Variants in PPM1E observed in about 807,000 individuals in gnomAD.
The protein encoded by PPM1E is protein phosphatase 1E.
A neutral mutation model predicts 65.9 loss-of-function variants in PPM1E; 20 were observed. The observed-to-expected ratio is 0.30, with a 90% confidence interval of 0.21 to 0.44. The LOEUF (loss-of-function observed/expected upper bound fraction) is 0.44, where lower values mean the gene tolerates loss of function less well. Among genes scored for constraint, PPM1E ranks in the 20% least tolerant of loss-of-function variants. The pLI, the probability that PPM1E is intolerant of heterozygous loss-of-function variation, is 1.00. For synonymous variants in PPM1E, 352 were observed against 374.9 expected, an observed-to-expected ratio of 0.94 and a Z score of 0.70; for missense variants, 713 against 953.1, an observed-to-expected ratio of 0.75 and a Z score of 3.32.
chr17:58,835,272 T>C (rs758491690), intron 1 of PPM1E, among the ~76,000 whole-genome samples: 1 of 151,926 alleles, frequency 6.6e-6, no homozygotes, highest in Non-Finnish European at 1.5e-5. Context: ...GTCTGGGAGG[T>C]CAAGGGTATA....
intron 1 of PPM1E, among the ~76,000 whole-genome samples, chr17:58,833,536 G>A (rs534990759): frequency 9.9e-5 from 15 of 151,802 alleles, no homozygotes; most frequent in African/African-American, 3.1e-4. Context: ...AGTTGCACCC[G>A]TGTTGCTGCA....
intron 1 of PPM1E, among the ~76,000 whole-genome samples, chr17:58,896,240 A>G (rs2051414906): frequency 6.6e-6 from 1 of 152,202 alleles, no homozygotes; most frequent in African/African-American, 2.4e-5. Context: ...CCTAATCCAG[A>G]GCAAGGCCCT....
intron 1 of PPM1E, among the ~76,000 whole-genome samples, chr17:58,829,077 T>C (rs997230278): frequency 2.6e-5 from 4 of 152,088 alleles, no homozygotes; most frequent in Admixed American, 6.6e-5. Context: ...AGTTTCACTC[T>C]AGTTGCCCCG....
intron 2 of PPM1E, among the ~76,000 whole-genome samples, chr17:58,956,531 TCTCA>T (rs1439452865): frequency 6.6e-6 from 1 of 152,152 alleles, no homozygotes; most frequent in African/African-American, 2.4e-5. Context: ...TAACACAACT[TCTCA>T]CTAATTATAT....
chr17:58,966,493 C>T (rs2030264858), intron 3 of PPM1E: 1 of 185,978 alleles, frequency 5.4e-6, no homozygotes, highest in Non-Finnish European at 1.1e-5. Context: ...TCTCACATTA[C>T]TATGTTGCTG....
At chr17:58,793,175 CCCTT>C (rs1180375730) in intron 1 of PPM1E, among the ~76,000 whole-genome samples, 1 of 151,812 alleles carries the variant, frequency 6.6e-6, no homozygotes, top group Non-Finnish European at 1.5e-5. Context: ...TTGTTATACT[CCCTT>C]CTTCATCTTT....
chr17:58,920,378 CAT>C (rs1567875157), intron 1 of PPM1E, among the ~76,000 whole-genome samples: 1 of 152,154 alleles, frequency 6.6e-6, no homozygotes, highest in Non-Finnish European at 1.5e-5. Flanking sequence ...CTCATAAGAT[CAT>C]CCTCTAGGCT....
intron 2 of PPM1E, among the ~76,000 whole-genome samples, chr17:58,957,198 G>C (rs780673207): frequency 6.6e-6 from 1 of 152,122 alleles, no homozygotes; most frequent in African/African-American, 2.4e-5. Context: ...CAGCTGTGAG[G>C]GGGTGGACTG....
Position 58,965,073 on chromosome 17 carries a change from TAC to T in PPM1E, c.584-605_584-604del, listed in dbSNP as rs1181922399. 6.5e-3 allele frequency among the ~76,000 whole-genome samples: 966 copies of T among 148,614 alleles called. 11 individuals carry two copies. Among genetic ancestry groups the T allele is most frequent in the South Asian group, 0.015 (70 of 4,678 alleles). On this transcript the variant is annotated intron_variant, in intron 2 of 6. Coordinates refer to ENST00000308249, the MANE Select transcript of PPM1E (RefSeq NM_014906.5). Reference sequence around the variant, plus strand: ...TTAAAAAAAAAAAAAAGTATATATATACACACACACACACACAATTCAGTTAC... The same window carrying T: ...TTAAAAAAAAAAAAAAGTATATATATACACACACACACACAATTCAGTTAC...
intron 1 of PPM1E, among the ~76,000 whole-genome samples, chr17:58,951,719 A>G (rs1245774305): frequency 1.3e-5 from 2 of 152,016 alleles, no homozygotes; most frequent in African/African-American, 2.4e-5. Flanking sequence ...GCAGATCAAA[A>G]CACATATGCC....
intron 1 of PPM1E, among the ~76,000 whole-genome samples, chr17:58,830,972 AC>A (rs2050599316): frequency 6.9e-6 from 1 of 145,462 alleles, no homozygotes; most frequent in Non-Finnish European, 1.5e-5. Flanking sequence ...GGCGTGAGCC[AC>A]CCTACCTGAC....
chr17:58,918,805 C>CAAAAA (rs71143301), intron 1 of PPM1E, among the ~76,000 whole-genome samples: 26 of 75,782 alleles, frequency 3.4e-4, no homozygotes, highest in Middle Eastern at 0.014. Flanking sequence ...GACTCCGTCT[C>CAAAAA]AAAAAAAAAA....
At chr17:58,772,345 A>T (rs1178262859) in intron 1 of PPM1E, among the ~76,000 whole-genome samples, 1 of 152,030 alleles carries the variant, frequency 6.6e-6, no homozygotes, top group Non-Finnish European at 1.5e-5. Context: ...AGCCCCAGCT[A>T]CTCAGGAGGC....
intron 2 of PPM1E, among the ~76,000 whole-genome samples, chr17:58,959,942 T>C (rs894989851): frequency 2.6e-5 from 4 of 152,218 alleles, no homozygotes; most frequent in Non-Finnish European, 4.4e-5. Context: ...AATTTTAAAA[T>C]ATTCTTTATA....
intron 1 of PPM1E, among the ~76,000 whole-genome samples, chr17:58,901,459 AG>A (rs1423996121): frequency 6.6e-6 from 1 of 152,070 alleles, no homozygotes; most frequent in African/African-American, 2.4e-5. Flanking sequence ...AGATCACCTG[AG>A]GTCAGGAGTT....
intron 1 of PPM1E, among the ~76,000 whole-genome samples, chr17:58,895,415 G>A (rs554896429): frequency 6.6e-6 from 1 of 152,266 alleles, no homozygotes; most frequent in African/African-American, 2.4e-5. Flanking sequence ...ATCCAAAACA[G>A]GCCAAATGCT....
At chr17:58,778,429 A>T (rs2144198899) in intron 1 of PPM1E, among the ~76,000 whole-genome samples, 1 of 112,026 alleles carries the variant, frequency 8.9e-6, no homozygotes. Context: ...TTTTTTTGAG[A>T]CGGAGTCTTG....
intron 1 of PPM1E, among the ~76,000 whole-genome samples, chr17:58,776,671 A>G (rs1163977323): frequency 6.6e-6 from 1 of 152,214 alleles, no homozygotes; most frequent in Non-Finnish European, 1.5e-5. Flanking sequence ...AAAATGATTA[A>G]CCACATTGTA....
rs1044192539 is a variant in PPM1E at position 58,868,450 on chromosome 17, T to G, written c.465-87199T>G. On this transcript the variant is annotated intron_variant, in intron 1 of 6. Coordinates refer to ENST00000308249, the MANE Select transcript of PPM1E (RefSeq NM_014906.5). ...ATTTCAGTTACTCCTAAGGTATTAGTGAGAAGAGGGAAGTTCCCTCTTTTG... is the reference window on the plus strand; with the variant it reads ...ATTTCAGTTACTCCTAAGGTATTAGGGAGAAGAGGGAAGTTCCCTCTTTTG... 6.6e-5 allele frequency among the ~76,000 whole-genome samples: 10 copies of G among 152,278 alleles called. No homozygotes were observed. In the South Asian group the frequency reaches 1.9e-3, roughly 28 times the overall value.
Sources: allele counts gnomAD v4.1 joint callset (sites outside exome capture counted in the v4.1 genomes callset), GRCh38; gene constraint gnomAD v4.1.1; transcripts MANE v1.5; gene names NCBI Gene and HGNC (gene_info 2026-07-23, HGNC 2026-07-21).